CNTNAP5: variants seen among roughly 807,000 people sequenced by gnomAD.
CNTNAP5 encodes the protein contactin associated protein family member 5.
A neutral mutation model predicts 150.2 loss-of-function variants in CNTNAP5; 72 were observed. The ratio of observed to expected loss-of-function variants is 0.48; its 90% CI spans 0.40 to 0.58. The LOEUF (loss-of-function observed/expected upper bound fraction) is 0.58. CNTNAP5 is among the 20% of genes least tolerant of loss of function. The probability of loss-of-function intolerance (pLI) is 0.00; values close to 1 mark genes in which losing one functional copy is unlikely to be tolerated. For synonymous variants in CNTNAP5, 672 were observed against 619.8 expected, an observed-to-expected ratio of 1.08 and a Z score of -1.25; for missense variants, 1,636 against 1,626.2, an observed-to-expected ratio of 1.01 and a Z score of -0.10.
At chr2:124,359,196 T>A (rs1286895717) in intron 3 of CNTNAP5, among the ~76,000 whole-genome samples, 2 of 152,062 alleles carry the variant, frequency 1.3e-5, no homozygotes, top group East Asian at 3.9e-4. Context: ...CTTCTCTCTT[T>A]TTTTCTTTAT....
intron 13 of CNTNAP5, among the ~76,000 whole-genome samples, chr2:124,679,728 CTAATTTTTG>C (rs1573543000): frequency 1.3e-5 from 2 of 151,630 alleles, no homozygotes; most frequent in South Asian, 2.1e-4. Flanking sequence ...CCATGCCTGG[CTAATTTTTG>C]TAATTTTTGT....
At chr2:124,375,026 T>C (rs1285048964) in intron 3 of CNTNAP5, among the ~76,000 whole-genome samples, 1 of 151,966 alleles carries the variant, frequency 6.6e-6, no homozygotes, top group African/African-American at 2.4e-5. Flanking sequence ...AATAGTTGAA[T>C]AAATAATTAA....
At chr2:124,810,701 G>A (rs1001845707) in intron 19 of CNTNAP5, among the ~76,000 whole-genome samples, 1 of 152,128 alleles carries the variant, frequency 6.6e-6, no homozygotes, top group Non-Finnish European at 1.5e-5. Flanking sequence ...GAACAGGCCA[G>A]GTATTTCGGG....
intron 13 of CNTNAP5, among the ~76,000 whole-genome samples, chr2:124,688,404 T>C (rs1205970178): frequency 1.3e-5 from 2 of 152,072 alleles, no homozygotes; most frequent in African/African-American, 4.8e-5. Context: ...TCGCTACCAC[T>C]TGAGGTATTA....
intron 12 of CNTNAP5, among the ~76,000 whole-genome samples, chr2:124,636,569 A>G (rs1460914451): frequency 6.6e-6 from 1 of 152,192 alleles, no homozygotes; most frequent in East Asian, 1.9e-4. Context: ...GTTAAATTTA[A>G]TAATGATTGT....
intron 13 of CNTNAP5, among the ~76,000 whole-genome samples, chr2:124,724,397 AC>A (rs1680112360): frequency 6.6e-6 from 1 of 152,156 alleles, no homozygotes; most frequent in East Asian, 1.9e-4. Flanking sequence ...AGGAACCTCC[AC>A]GTATTCAGGT....
chr2:124,624,528 A>G (rs1677679991), intron 12 of CNTNAP5, among the ~76,000 whole-genome samples: 1 of 152,188 alleles, frequency 6.6e-6, no homozygotes, highest in Admixed American at 6.5e-5. Context: ...CACATTATTC[A>G]TTAATTCAGT....
At chr2:124,797,319 A>T (rs1469027640) in intron 18 of CNTNAP5, among the ~76,000 whole-genome samples, 1 of 152,178 alleles carries the variant, frequency 6.6e-6, no homozygotes. Flanking sequence ...TGGGTGATTT[A>T]CATATCCCAC....
chr2:124,247,522 A>G (rs1170585), intron 3 of CNTNAP5, among the ~76,000 whole-genome samples: 120,886 of 152,046 alleles, frequency 0.8, 48,143 homozygotes, highest in South Asian at 0.87. Context: ...AAGAGACCAT[A>G]TTTAAGTTAT....
At chr2:124,707,204 G>GAAGAATAAT (rs1010621414) in intron 13 of CNTNAP5, among the ~76,000 whole-genome samples, 2 of 142,616 alleles carry the variant, frequency 1.4e-5, no homozygotes, top group Non-Finnish European at 3.1e-5. Context: ...AGAAGAAGAA[G>GAAGAATAAT]AATAAACAAC....
chr2:124,547,268 G>T (rs138654841), intron 10 of CNTNAP5, among the ~76,000 whole-genome samples: 1 of 152,058 alleles, frequency 6.6e-6, no homozygotes, highest in Admixed American at 6.6e-5. Flanking sequence ...AGTAAGCCCC[G>T]CAAGGAAAAA....
In CNTNAP5 at chr2:124,110,848, A is replaced by G. The variant is rs1399084526; in HGVS notation, c.82+85116A>G. Among the ~76,000 whole-genome samples, 5 of 152,272 alleles carry G rather than the reference A, an allele frequency of 3.3e-5. No individual in the cohort carries two copies. The South Asian group carries it at 1.0e-3, about 32-fold the overall frequency. ...TGCCATTCAAAGGACTTTCACATCT[A>G]TTACCTCATTTGATCTGCACAAAGG... On this transcript the variant is annotated intron_variant, in intron 1 of 23. Transcript: ENST00000682447.
At chr2:124,694,728 A>G (rs1679369479) in intron 13 of CNTNAP5, among the ~76,000 whole-genome samples, 1 of 152,202 alleles carries the variant, frequency 6.6e-6, no homozygotes, top group Admixed American at 6.6e-5. Context: ...TTCTTACTGT[A>G]CATTCCACAT....
intron 1 of CNTNAP5, among the ~76,000 whole-genome samples, chr2:124,221,278 A>G (rs1686303185): frequency 6.6e-6 from 1 of 152,178 alleles, no homozygotes; most frequent in Non-Finnish European, 1.5e-5. Context: ...TAGGAACTGA[A>G]GATGGGAGAG....
chr2:124,126,668 C>T (rs1159665243), intron 1 of CNTNAP5, among the ~76,000 whole-genome samples: 2 of 152,188 alleles, frequency 1.3e-5, no homozygotes, highest in African/African-American at 4.8e-5. Flanking sequence ...TAATAAAATA[C>T]TGGCAAACCG....
Position 124,844,616 on chromosome 2 carries a change from T to C in CNTNAP5, c.3218-20690T>C, listed in dbSNP as rs1364914375. ...ACTATGGTCATTTTCACAATATTGA[T>C]TCTACCCATCCATGAGCATGGGATG... On this transcript the variant is annotated intron_variant, in intron 19 of 23. Coordinates refer to ENST00000682447, the MANE Select transcript of CNTNAP5 (RefSeq NM_001367498.1). Among the ~76,000 whole-genome samples, 17 of 152,180 alleles carry C rather than the reference T, an allele frequency of 1.1e-4. 1 individual carries two copies. The highest frequency in any genetic ancestry group is 1.1e-3 in the Admixed American group (17 of 15,274).
chr2:124,283,155 C>T (rs142172944), intron 3 of CNTNAP5, among the ~76,000 whole-genome samples: 1 of 152,282 alleles, frequency 6.6e-6, no homozygotes, highest in East Asian at 1.9e-4. Context: ...GTAGTCCTGC[C>T]AGAGTCTTGG....
intron 12 of CNTNAP5, among the ~76,000 whole-genome samples, chr2:124,614,101 A>G (rs1211220476): frequency 6.6e-6 from 1 of 152,194 alleles, no homozygotes; most frequent in Non-Finnish European, 1.5e-5. Context: ...CAGCCAATAT[A>G]ATTTTACTCA....
chr2:124,337,610 T>G (rs1367100361), intron 3 of CNTNAP5, among the ~76,000 whole-genome samples: 3 of 152,176 alleles, frequency 2.0e-5, no homozygotes, highest in South Asian at 2.1e-4. Flanking sequence ...AGTTTTCCCA[T>G]CACCGTTTAT....
Sources: gnomAD v4.1 joint callset for allele counts (sites outside exome capture counted in the v4.1 genomes callset) on GRCh38, gnomAD v4.1.1 for gene constraint, MANE v1.5 for transcripts, NCBI Gene and HGNC (gene_info 2026-07-23, HGNC 2026-07-21) for gene names.